WIPF3: variants seen among roughly 807,000 people sequenced by gnomAD.
WIPF3 encodes WAS/WASL-interacting protein family member 3.
WIPF3 carries 33 observed loss-of-function variants against 38.9 expected under a neutral mutation model. The ratio of observed to expected loss-of-function variants is 0.85; its 90% confidence interval spans 0.64 to 1.14. WIPF3 has a LOEUF of 1.14. Among genes scored for constraint, WIPF3 ranks in the 50% most tolerant of loss-of-function variants. The probability of loss-of-function intolerance (pLI) is 0.00; values close to 1 mark genes in which losing one functional copy is unlikely to be tolerated. For missense variants in WIPF3, 711 were observed against 652.5 expected (o/e 1.09, Z -0.98); for synonymous variants, 324 against 269.3 (o/e 1.20, Z -1.99).
At chr7:29,822,530 C>T (rs922886521) in intron 1 of WIPF3, among the ~76,000 whole-genome samples, 1 of 152,184 alleles carries the variant, frequency 6.6e-6, no homozygotes, top group East Asian at 1.9e-4. Context: ...GGTCTAAGAT[C>T]AGTTCTGCTG....
At chr7:29,885,051 C>G (rs1277593113) in intron 5 of WIPF3, among the ~76,000 whole-genome samples, 2 of 152,154 alleles carry the variant, frequency 1.3e-5, no homozygotes, top group African/African-American at 4.8e-5. Context: ...TTTATATTTG[C>G]CCGCGTTTTC....
At chr7:29,902,800 C>T (rs1215354959) in intron 7 of WIPF3, among the ~76,000 whole-genome samples, 1 of 151,348 alleles carries the variant, frequency 6.6e-6, no homozygotes, top group Non-Finnish European at 1.5e-5. Flanking sequence ...GAGATAGCAC[C>T]ACTGCACTCC....
rs1161316238 is a variant in WIPF3 at position 29,914,418 on chromosome 7, G to T, written c.1429-75G>T. 6 of 1,227,808 alleles carry T rather than the reference G, an allele frequency of 4.9e-6. No individual in the cohort carries two copies. In the East Asian group the frequency reaches 1.2e-4, roughly 24 times the overall value. The allele number at this position is 1,227,808 out of a possible 1,614,324, so 76.1% of individuals were successfully genotyped here. A position where few individuals can be genotyped will look rare whatever the true frequency, so the allele number is the denominator to read the frequency against. On this transcript the variant is annotated intron_variant, in intron 8 of 8. Transcript: ENST00000242140. ...AGCTTCGGGGCCCAGCCTGTTTGGG[G>T]GGGTGGAGGAGGAAGGCTTTCATGT...
At chr7:29,867,303 G>A (rs1468671519) in intron 2 of WIPF3, among the ~76,000 whole-genome samples, 4 of 152,150 alleles carry the variant, frequency 2.6e-5, no homozygotes, top group African/African-American at 4.8e-5. Flanking sequence ...TTGAGGTTTC[G>A]AGCCTGGATG....
intron 2 of WIPF3, among the ~76,000 whole-genome samples, chr7:29,841,910 C>A (rs1784919000): frequency 1.3e-5 from 2 of 152,166 alleles, no homozygotes; most frequent in Admixed American, 6.5e-5. Context: ...TAAGATGTAA[C>A]CTAAAAATAT....
intron 2 of WIPF3, among the ~76,000 whole-genome samples, chr7:29,868,764 C>T (rs1785437644): frequency 6.6e-6 from 1 of 152,014 alleles, no homozygotes; most frequent in South Asian, 2.1e-4. Flanking sequence ...AGGCTACAAA[C>T]CTGTATGGCA....
rs1470622901 is a variant in WIPF3, at chr7:29,914,688, T to A, written c.*172T>A. The A allele has an allele frequency of 2.2e-6, 1 of 446,666 alleles. No homozygotes were observed. The highest frequency in any genetic ancestry group is 4.4e-5 in the Admixed American group (1 of 22,726). 27.7% of individuals were successfully genotyped at this position (446,666 alleles called of 1,614,324 possible). ...CTTTAAAGCAGTATTTTAATTGACT[T>A]TTATTTCGGTAATATTTTTTAAAAC... is the stretch of plus-strand genomic sequence containing the variant. On this transcript the variant is annotated 3_prime_UTR_variant, in exon 9 of 9. Transcript: ENST00000242140.
chr7:29,826,830 G>T (rs1028328988), intron 1 of WIPF3, among the ~76,000 whole-genome samples: 13 of 152,138 alleles, frequency 8.5e-5, no homozygotes, highest in African/African-American at 3.1e-4. Context: ...TATACAAGTG[G>T]CCTTACTTAG....
At chr7:29,825,107 A>T (rs117339415) in intron 1 of WIPF3, among the ~76,000 whole-genome samples, 1 of 152,214 alleles carries the variant, frequency 6.6e-6, no homozygotes, top group Non-Finnish European at 1.5e-5. Flanking sequence ...CACCATTCGT[A>T]TAAAATCTAG....
intron 1 of WIPF3, among the ~76,000 whole-genome samples, chr7:29,824,646 G>A (rs1403478886): frequency 2.6e-5 from 4 of 152,216 alleles, no homozygotes; most frequent in African/African-American, 7.2e-5. Context: ...AGGATGAGAT[G>A]TGGAGTCTGA....
At chr7:29,838,273 T>C (rs6946170) in intron 2 of WIPF3, among the ~76,000 whole-genome samples, 55,257 of 151,988 alleles carry the variant, frequency 0.36, 10,343 homozygotes, top group Middle Eastern at 0.48. Flanking sequence ...CACTTATAAC[T>C]CTTGGTGGGA....
intron 8 of WIPF3, among the ~76,000 whole-genome samples, chr7:29,908,137 A>C (rs1241458582): frequency 6.6e-6 from 1 of 152,224 alleles, no homozygotes; most frequent in Non-Finnish European, 1.5e-5. Flanking sequence ...TATAAAGACA[A>C]ATAGGTTGAA....
intron 1 of WIPF3, among the ~76,000 whole-genome samples, chr7:29,821,988 A>G (rs1784543350): frequency 6.6e-6 from 1 of 152,026 alleles, no homozygotes; most frequent in Non-Finnish European, 1.5e-5. Context: ...AGGGTTAATT[A>G]TTTCATTAAA....
Position 29,856,744 on chromosome 7 carries a change from C to T in WIPF3, c.91-19086C>T, listed in dbSNP as rs972470197. Among the ~76,000 whole-genome samples the T allele has an allele frequency of 2.6e-5, 4 of 152,100 alleles. No homozygotes were observed. The South Asian group carries it at 6.2e-4, about 24-fold the overall frequency. On this transcript the variant is annotated intron_variant, in intron 2 of 8. Coordinates refer to ENST00000242140, the MANE Select transcript of WIPF3 (RefSeq NM_001080529.3). ...ATTTTACCTTGTCAGATCAATGGCT[C>T]GTCATTGAAAATGGGATGATACCCT...
Position 29,916,898 on chromosome 7 carries a change from C to T in WIPF3, c.*2382C>T, listed in dbSNP as rs1786627842. 1 of 152,160 alleles carries T rather than the reference C, an allele frequency of 6.6e-6. No individual in the cohort carries two copies. The highest frequency in any genetic ancestry group is 1.5e-5 in the Non-Finnish European group (1 of 68,034). The allele number at this position is 152,160 out of a possible 1,614,324, so 9.4% of individuals were successfully genotyped here. A position where few individuals can be genotyped will look rare whatever the true frequency, so the allele number is the denominator to read the frequency against. ...AGGTTTAACCCCTTGACTGTAAACT[C>T]AGACTTAGAGACATCTGAGTCACAC... On this transcript the variant is annotated 3_prime_UTR_variant, in exon 9 of 9. Coordinates refer to ENST00000242140, the MANE Select transcript of WIPF3 (RefSeq NM_001080529.3).
chr7:29,845,669 G>A (rs1041918995), intron 2 of WIPF3, among the ~76,000 whole-genome samples: 2 of 152,210 alleles, frequency 1.3e-5, no homozygotes, highest in African/African-American at 2.4e-5. Context: ...CATTAGATGT[G>A]CCTAGATAAT....
At chr7:29,817,070 T>C (rs1446303119) in intron 1 of WIPF3, among the ~76,000 whole-genome samples, 1 of 152,174 alleles carries the variant, frequency 6.6e-6, no homozygotes, top group Non-Finnish European at 1.5e-5. Context: ...TGGTATCTGA[T>C]TGTGGTTTTG....
At chr7:29,825,658 T>G (rs1784604820) in intron 1 of WIPF3, among the ~76,000 whole-genome samples, 1 of 152,210 alleles carries the variant, frequency 6.6e-6, no homozygotes, top group Admixed American at 6.5e-5. Context: ...CTTCATTTTT[T>G]CCTTTCACCA....
chr7:29,902,594 T>C (rs1786310413), intron 7 of WIPF3, among the ~76,000 whole-genome samples: 1 of 152,146 alleles, frequency 6.6e-6, no homozygotes, highest in South Asian at 2.1e-4. Context: ...TCCCAGCACT[T>C]TGGGAGGCCA....
Sources: gnomAD v4.1 joint callset for allele counts (sites outside exome capture counted in the v4.1 genomes callset) on GRCh38, gnomAD v4.1.1 for gene constraint, MANE v1.5 for transcripts, NCBI Gene and HGNC (gene_info 2026-07-23, HGNC 2026-07-21) for gene names.